Variants in ZC3H7B observed in about 807,000 individuals in gnomAD.
The protein encoded by ZC3H7B is zinc finger CCCH domain-containing protein 7B.
Under a neutral mutation model 116.0 loss-of-function variants are expected in ZC3H7B, and 35 were observed. The observed-to-expected ratio is 0.30, with a 90% confidence interval of 0.23 to 0.40. ZC3H7B has a LOEUF of 0.40. Ranked by LOEUF, ZC3H7B falls within the 10% of genes least tolerant of loss-of-function variation. ZC3H7B has a pLI of 1.00. For missense variants in ZC3H7B, 1,011 were observed against 1,321.5 expected (o/e 0.77, Z 3.64); for synonymous variants, 502 against 545.6 (o/e 0.92, Z 1.11).
chr22:41,331,256 T>A (rs9611557), intron 6 of ZC3H7B, among the ~76,000 whole-genome samples: 44,362 of 129,434 alleles, frequency 0.34, 7,566 homozygotes, highest in Admixed American at 0.52. Context: ...TCAAAAAAAA[T>A]AAATAAATAA....
intron 1 of ZC3H7B, among the ~76,000 whole-genome samples, chr22:41,308,408 A>G (rs2036073983): frequency 6.6e-6 from 1 of 152,076 alleles, no homozygotes; most frequent in Non-Finnish European, 1.5e-5. Flanking sequence ...TGTATGATGG[A>G]GGCATTATTA....
chr22:41,343,660 T>C, intron 13 of ZC3H7B, 84 bp downstream of exon 13: 1 of 1,452,300 alleles, frequency 6.9e-7, no homozygotes, highest in South Asian at 1.5e-5. Flanking sequence ...CCATCACAGG[T>C]AGACAGAACA....
chr22:41,344,830 A>G (rs2036564473), intron 13 of ZC3H7B, among the ~76,000 whole-genome samples: 1 of 152,144 alleles, frequency 6.6e-6, no homozygotes, highest in Admixed American at 6.6e-5. Flanking sequence ...TTTATGAGAC[A>G]GGGTCTTGCT....
At position 41,348,108 on chromosome 22, in the gene ZC3H7B, C is replaced by G. The variant is rs991873892; in HGVS notation, c.1707C>G (p.Thr569=). 2.5e-6 allele frequency: 4 copies of G among 1,613,850 alleles called. No individual in the cohort carries two copies. In the African/African-American group the frequency reaches 5.3e-5, roughly 22 times the overall value. The change falls in exon 15 of 23, where the codon ACC becomes ACG. Residue 569 remains threonine (T), a synonymous_variant. Transcript: ENST00000352645. ...DSKPRIISKG[T]KDSPSVCSNL... ...AACCCCGGATCATCAGCAAAGGCAC[C>G]AAGGACTCTCCGTCTGTCTGCTCCA...
Position 41,349,827 on chromosome 22 carries a change from A to G in ZC3H7B, c.1948+526A>G, listed in dbSNP as rs977636953. On this transcript the variant is annotated intron_variant, in intron 16 of 22. Transcript: ENST00000352645. The surrounding 1 kb of genome is among the most constrained non-coding windows in gnomAD (Gnocchi z 4.9). Reference sequence around the variant, plus strand: ...CCTTACTTTCAGAGAACCTACATTTATAAGTGGGGGCCAGACAGATAATAT... The same window carrying G: ...CCTTACTTTCAGAGAACCTACATTTGTAAGTGGGGGCCAGACAGATAATAT... Among the ~76,000 whole-genome samples the G allele has an allele frequency of 8.5e-5, 13 of 152,332 alleles. No homozygotes were observed. The highest frequency in any genetic ancestry group is 6.5e-4 in the Admixed American group (10 of 15,298).
intron 1 of ZC3H7B, among the ~76,000 whole-genome samples, chr22:41,314,702 TG>T (rs2036158643): frequency 6.6e-6 from 1 of 150,962 alleles, no homozygotes; most frequent in African/African-American, 2.4e-5. Flanking sequence ...CGCTGCCTCA[TG>T]GGTTCAAGTG....
chr22:41,351,782 A>G lies in ZC3H7B; in HGVS notation c.2034+136A>G, dbSNP rs1412809221. The G allele has an allele frequency of 1.3e-6, 1 of 741,590 alleles. No homozygotes were observed. The highest frequency in any genetic ancestry group is 1.8e-5 in the African/African-American group (1 of 56,350). The allele number at this position is 741,590 out of a possible 1,614,324, so 45.9% of individuals were successfully genotyped here. A position where few individuals can be genotyped will look rare whatever the true frequency, so the allele number is the denominator to read the frequency against. On this transcript the variant is annotated intron_variant, in intron 17 of 22. Coordinates refer to ENST00000352645, the MANE Select transcript of ZC3H7B (RefSeq NM_017590.6). The surrounding 1 kb of genome is among the most constrained non-coding windows in gnomAD (Gnocchi z 5.1). The stretch of plus-strand genomic sequence containing the variant: ...CGAATAAGTTATGAAAGTAACTTGG[A>G]TAATGTACACATTCAGCTGTTGTGT...
intron 1 of ZC3H7B, among the ~76,000 whole-genome samples, chr22:41,305,211 G>A (rs370956876): frequency 5.9e-5 from 9 of 152,146 alleles, no homozygotes; most frequent in East Asian, 5.8e-4. Context: ...TGGATGTGGC[G>A]GTGCATACCT....
At chr22:41,332,620 G>T (rs571424113) in intron 7 of ZC3H7B, 4 of 190,392 alleles carry the variant, frequency 2.1e-5, no homozygotes, top group East Asian at 1.4e-4. Context: ...CTGTCTTTTC[G>T]CTTTTCAAAG....
chr22:41,317,049 T>C (rs1468032603), intron 1 of ZC3H7B, among the ~76,000 whole-genome samples: 1 of 152,166 alleles, frequency 6.6e-6, no homozygotes. Flanking sequence ...TGTTTCACCA[T>C]GTTGGCCAGG....
chr22:41,303,097 A>G (rs2035994411), intron 1 of ZC3H7B, among the ~76,000 whole-genome samples: 1 of 152,170 alleles, frequency 6.6e-6, no homozygotes, highest in South Asian at 2.1e-4. Flanking sequence ...TACTTCCTCT[A>G]CACACATACA....
At chr22:41,319,278 G>A (rs2036223524) in intron 1 of ZC3H7B, among the ~76,000 whole-genome samples, 1 of 152,206 alleles carries the variant, frequency 6.6e-6, no homozygotes, top group Non-Finnish European at 1.5e-5. Context: ...GCACGTGCCT[G>A]TAGTCCTAGC....
At chr22:41,343,391 C>T in intron 12 of ZC3H7B, 24 bp from the exon 13 acceptor site, 1 of 1,590,716 alleles carries the variant, frequency 6.3e-7, no homozygotes, top group Admixed American at 1.7e-5. Flanking sequence ...CCGGAATTAT[C>T]ATGTGTGTCC....
Position 41,351,089 on chromosome 22 carries a change from C to T in ZC3H7B, c.1949-472C>T, listed in dbSNP as rs1466949899. Among the ~76,000 whole-genome samples, 1 of 152,156 alleles carries T rather than the reference C, an allele frequency of 6.6e-6. No homozygotes were observed. Among genetic ancestry groups the T allele is most frequent in the Non-Finnish European group, 1.5e-5 (1 of 68,032 alleles). On this transcript the variant is annotated intron_variant, in intron 16 of 22. Transcript: ENST00000352645. The surrounding 1 kb of genome is among the most constrained non-coding windows in gnomAD (Gnocchi z 5.1). ...GGCTGGGGTATTTGCCCTTTGGGGA[C>T]TGGCAGTAAAGAGCCGTGGTACCAC...
intron 16 of ZC3H7B, among the ~76,000 whole-genome samples, chr22:41,350,085 G>A (rs910013378): frequency 6.6e-6 from 1 of 152,198 alleles, no homozygotes; most frequent in Non-Finnish European, 1.5e-5. Context: ...CTCGGGGATG[G>A]GAGCATTTTA....
intron 16 of ZC3H7B, among the ~76,000 whole-genome samples, chr22:41,350,528 T>G (rs894198571): frequency 6.6e-6 from 1 of 151,536 alleles, no homozygotes; most frequent in Non-Finnish European, 1.5e-5. Context: ...AGATTCTAGG[T>G]GTATTTTGAG....
intron 10 of ZC3H7B, 53 bp from the exon 11 acceptor site, chr22:41,341,035 C>T: frequency 1.3e-6 from 2 of 1,575,830 alleles, no homozygotes; most frequent in South Asian, 1.1e-5. Context: ...CTAGGAAGGC[C>T]CCTCACGCCT....
intron 18 of ZC3H7B, 39 bp from the exon 19 acceptor site, chr22:41,355,718 T>A: frequency 1.9e-6 from 3 of 1,613,348 alleles, no homozygotes; most frequent in Non-Finnish European, 1.7e-6. Flanking sequence ...GCACACAGGC[T>A]GTGCCCTGAC....
chr22:41,357,548 C>T lies in ZC3H7B; in HGVS notation c.*119C>T. 8 of 1,016,852 alleles carry T rather than the reference C, an allele frequency of 7.9e-6. No homozygotes were observed. Among genetic ancestry groups the T allele is most frequent in the Non-Finnish European group, 1.1e-5 (8 of 729,586 alleles). The allele number at this position is 1,016,852 out of a possible 1,614,324, so 63.0% of individuals were successfully genotyped here. A position where few individuals can be genotyped will look rare whatever the true frequency, so the allele number is the denominator to read the frequency against. On this transcript the variant is annotated 3_prime_UTR_variant, in exon 23 of 23. Coordinates refer to ENST00000352645, the MANE Select transcript of ZC3H7B (RefSeq NM_017590.6). The surrounding 1 kb of genome is among the most constrained non-coding windows in gnomAD (Gnocchi z 5.4). ...GGGGGCCGCCCTCATCAGGCAGCCC[C>T]CAGCCCCCTGAGGCCCTGTCCATCT...
Sources: gnomAD v4.1 joint callset for allele counts (sites outside exome capture counted in the v4.1 genomes callset) on GRCh38, gnomAD v4.1.1 for gene constraint, Gnocchi (gnomAD v3.1) non-coding constraint, MANE v1.5 for transcripts, NCBI Gene and HGNC (gene_info 2026-07-23, HGNC 2026-07-21) for gene names.